GLIS1: variants seen among roughly 807,000 people sequenced by gnomAD.
The protein encoded by GLIS1 is zinc finger protein GLIS1.
In GLIS1, 24 loss-of-function variants were observed where a neutral mutation model predicts 63.8. The ratio of observed to expected loss-of-function variants is 0.38; its 90% CI spans 0.27 to 0.53. The LOEUF (loss-of-function observed/expected upper bound fraction) is 0.53. Among genes scored for constraint, GLIS1 ranks in the 20% least tolerant of loss-of-function variants. The pLI is 0.85. For missense variants in GLIS1, 1,036 were observed against 1,074.1 expected (o/e 0.96, Z 0.50); for synonymous variants, 450 against 482.5 (o/e 0.93, Z 0.88).
At chr1:53,563,444 T>C (rs1036086609) in intron 4 of GLIS1, among the ~76,000 whole-genome samples, 3 of 152,248 alleles carry the variant, frequency 2.0e-5, no homozygotes, top group African/African-American at 7.2e-5. Context: ...AAAAATGTAA[T>C]TGTTGAAAAT....
rs527843511 is a variant in GLIS1 at position 53,733,946 on chromosome 1, A to C, written c.259+3860T>G. ...GCTAGCCTTCCAAGGCCTCCCCAGAACATCACAGGAGCTTCTTATTCAGAT... is the reference window on the plus strand; with the variant it reads ...GCTAGCCTTCCAAGGCCTCCCCAGACCATCACAGGAGCTTCTTATTCAGAT... On this transcript the variant is annotated intron_variant, in intron 2 of 10. Transcript: ENST00000628545. 6 of 985,444 alleles carry C rather than the reference A, an allele frequency of 6.1e-6. No individual in the cohort carries two copies. In the East Asian group the frequency reaches 5.7e-4, roughly 93 times the overall value. 61.0% of individuals were successfully genotyped at this position (985,444 alleles called of 1,614,324 possible).
intron 5 of GLIS1, among the ~76,000 whole-genome samples, chr1:53,528,009 G>A (rs765536131): frequency 2.6e-5 from 4 of 152,176 alleles, no homozygotes; most frequent in African/African-American, 4.8e-5. Context: ...AAGGTGGCCC[G>A]AGAGGCACGG....
chr1:53,524,419 T>A (rs1328346393), intron 6 of GLIS1, among the ~76,000 whole-genome samples: 3 of 152,364 alleles, frequency 2.0e-5, no homozygotes, highest in East Asian at 3.9e-4. Context: ...GCCAGGACAC[T>A]GAAAGCGGGG....
rs568594597 is a variant in GLIS1 at position 53,552,267 on chromosome 1, G to A, written c.1321-22315C>T. 7.4e-4 allele frequency among the ~76,000 whole-genome samples: 112 copies of A among 152,186 alleles called. No individual in the cohort carries two copies. The Middle Eastern group carries it at 0.014, about 18-fold the overall frequency. On this transcript the variant is annotated intron_variant, in intron 4 of 10. Transcript: ENST00000628545. The stretch of plus-strand genomic sequence containing the variant: ...CTAAGCTGCTATAGGTGGAAAGTGT[G>A]TCCCGGTAGGAGGGGGACCAGGCGG...
At chr1:53,672,163 G>C (rs1429889700) in intron 2 of GLIS1, among the ~76,000 whole-genome samples, 1 of 152,206 alleles carries the variant, frequency 6.6e-6, no homozygotes, top group Admixed American at 6.5e-5. Flanking sequence ...TGCCAAAATG[G>C]ACCAGAAGCC....
intron 2 of GLIS1, among the ~76,000 whole-genome samples, chr1:53,719,146 C>A (rs960380424): frequency 6.6e-6 from 1 of 152,240 alleles, no homozygotes; most frequent in Non-Finnish European, 1.5e-5. Flanking sequence ...TCTGCCCCAT[C>A]GTTGGCAGAA....
In GLIS1 at chr1:53,559,602, C is replaced by G. The variant is rs562144540; in HGVS notation, c.1321-29650G>C. On this transcript the variant is annotated intron_variant, in intron 4 of 10. Coordinates refer to ENST00000628545, the MANE Select transcript of GLIS1 (RefSeq NM_001367484.1). The stretch of plus-strand genomic sequence containing the variant: ...TCACTCACCATGCGGCTCTGCTCCC[C>G]CTCAGGGTCGAGCCCAGCCGCTGCA... Among the ~76,000 whole-genome samples the G allele has an allele frequency of 5.1e-4, 77 of 152,328 alleles. No individual in the cohort carries two copies. The South Asian group carries it at 5.8e-3, about 11-fold the overall frequency.
At chr1:53,666,097 G>A (rs1046746150) in intron 2 of GLIS1, among the ~76,000 whole-genome samples, 1 of 151,748 alleles carries the variant, frequency 6.6e-6, no homozygotes, top group Non-Finnish European at 1.5e-5. Context: ...ACACAGCCAG[G>A]AAGTGGTGAA....
rs578167496 is a variant in GLIS1 at position 53,666,562 on chromosome 1, T to A, written c.260-66284A>T. Among the ~76,000 whole-genome samples, 4 of 152,204 alleles carry A rather than the reference T, an allele frequency of 2.6e-5. No individual in the cohort carries two copies. In the South Asian group the frequency reaches 8.3e-4, roughly 32 times the overall value. On this transcript the variant is annotated intron_variant, in intron 2 of 10. Transcript: ENST00000628545. The stretch of plus-strand genomic sequence containing the variant: ...GGTCTGGCTTGCCTCCTCTCTAATC[T>A]CATCTTCAACCCCACCTCCCATCCC...
intron 2 of GLIS1, among the ~76,000 whole-genome samples, chr1:53,719,160 A>C (rs898044436): frequency 6.6e-6 from 1 of 152,210 alleles, no homozygotes; most frequent in East Asian, 1.9e-4. Context: ...GGCAGAAACA[A>C]TGCAGCCACC....
chr1:53,643,925 G>T (rs1401981036), intron 2 of GLIS1, among the ~76,000 whole-genome samples: 1 of 152,202 alleles, frequency 6.6e-6, no homozygotes, highest in Admixed American at 6.5e-5. Flanking sequence ...GGAGCCAGGG[G>T]CTTACTCTCT....
chr1:53,593,213 C>G (rs1266849663), intron 4 of GLIS1, among the ~76,000 whole-genome samples: 3 of 152,254 alleles, frequency 2.0e-5, no homozygotes, highest in Non-Finnish European at 4.4e-5. Flanking sequence ...TTCTCAACAC[C>G]AAGCACACCC....
At chr1:53,635,631 C>T (rs1645715660) in intron 2 of GLIS1, among the ~76,000 whole-genome samples, 1 of 150,942 alleles carries the variant, frequency 6.6e-6, no homozygotes, top group Non-Finnish European at 1.5e-5. Context: ...CACAGGCACA[C>T]ACTACAATAG....
rs1462372777 is a variant in GLIS1 at position 53,594,490 on chromosome 1, G to A, written c.938C>T (p.Ala313Val). The A allele has an allele frequency of 1.2e-6, 2 of 1,613,036 alleles. No individual in the cohort carries two copies. The highest frequency in any genetic ancestry group is 4.5e-5 in the East Asian group (2 of 44,884). The change falls in exon 4 of 11, where the codon GCC (alanine) becomes GTC (valine). Residue 313 changes from alanine to valine, a missense_variant. Ala to Val is a moderately conservative substitution (Grantham distance 64). Coordinates refer to ENST00000628545, the MANE Select transcript of GLIS1 (RefSeq NM_001367484.1). ...DSHEGSLQLE[A>V]CRKASFLKQE... ...CTTCAGGAAGCTCGCCTTCCGGCAG[G>A]CTTCAAGTTGCAAGCTGCCCTCATG...
chr1:53,517,999 A>G (rs1644369344), intron 7 of GLIS1, among the ~76,000 whole-genome samples: 1 of 152,198 alleles, frequency 6.6e-6, no homozygotes, highest in African/African-American at 2.4e-5. Context: ...CCCAAAACGC[A>G]CCACTTCAGG....
intron 2 of GLIS1, among the ~76,000 whole-genome samples, chr1:53,650,569 A>AGTTGG (rs1645895546): frequency 6.8e-6 from 1 of 146,978 alleles, no homozygotes; most frequent in South Asian, 2.2e-4. Flanking sequence ...CAACCTGGGC[A>AGTTGG]ACAGAGTGAG....
intron 2 of GLIS1, among the ~76,000 whole-genome samples, chr1:53,625,344 G>A (rs371518356): frequency 6.6e-6 from 1 of 152,152 alleles, no homozygotes; most frequent in East Asian, 1.9e-4. Flanking sequence ...TGAGTATTGC[G>A]GATCTGGGAC....
In GLIS1 at chr1:53,560,215, C is replaced by T. The variant is rs1353189424; in HGVS notation, c.1321-30263G>A. Reference sequence around the variant, plus strand: ...AGCTGGAGTGGCCTGTAGAGCTCACCAGCGAAGACAGACAAAGAAGAGCCA... The same window carrying T: ...AGCTGGAGTGGCCTGTAGAGCTCACTAGCGAAGACAGACAAAGAAGAGCCA... On this transcript the variant is annotated intron_variant, in intron 4 of 10. Transcript: ENST00000628545. The surrounding 1 kb of genome is among the most constrained non-coding windows in gnomAD (Gnocchi z 4.4). 6.6e-6 allele frequency among the ~76,000 whole-genome samples: 1 copy of T among 152,212 alleles called. No individual in the cohort carries two copies. The highest frequency in any genetic ancestry group is 2.4e-5 in the African/African-American group (1 of 41,454).
At chr1:53,669,444 G>A (rs575303917) in intron 2 of GLIS1, among the ~76,000 whole-genome samples, 1 of 152,290 alleles carries the variant, frequency 6.6e-6, no homozygotes, top group East Asian at 1.9e-4. Flanking sequence ...GAAGGGGAGG[G>A]GTAAGAGGGG....
Sources: gnomAD v4.1 joint callset for allele counts (sites outside exome capture counted in the v4.1 genomes callset) on GRCh38, gnomAD v4.1.1 for gene constraint, Gnocchi (gnomAD v3.1) non-coding constraint, MANE v1.5 for transcripts, NCBI Gene and HGNC (gene_info 2026-07-23, HGNC 2026-07-21) for gene names.